Variants in DLGAP1 observed in about 807,000 individuals in gnomAD.
DLGAP1 encodes disks large-associated protein 1.
Under a neutral mutation model 90.8 loss-of-function variants are expected in DLGAP1, and 11 were observed. The observed-to-expected ratio is 0.12, with a 90% CI of 0.08 to 0.20. The LOEUF (loss-of-function observed/expected upper bound fraction) is 0.20. Ranked by LOEUF, DLGAP1 falls within the 10% of genes least tolerant of loss-of-function variation. The pLI is 1.00. For synonymous variants in DLGAP1, 558 were observed against 540.7 expected, an observed-to-expected ratio of 1.03 and a Z score of -0.44; for missense variants, 1,050 against 1,333.8, an observed-to-expected ratio of 0.79 and a Z score of 3.31.
At position 3,816,408 on chromosome 18, in the gene DLGAP1, G is replaced by A. The variant is rs377740511; in HGVS notation, c.958-2135C>T. Among the ~76,000 whole-genome samples the A allele has an allele frequency of 1.5e-4, 23 of 152,240 alleles. No individual in the cohort carries two copies. In the East Asian group the frequency reaches 2.5e-3, roughly 17 times the overall value. On this transcript the variant is annotated intron_variant, in intron 4 of 12. Coordinates refer to ENST00000315677, the MANE Select transcript of DLGAP1 (RefSeq NM_004746.4). ...TGAGAATAGATGTTCTACTAAAAGA[G>A]CATAATTCTTTCCTTTTTAATTGTT...
intron 1 of DLGAP1, among the ~76,000 whole-genome samples, chr18:4,315,998 A>G (rs1343037261): frequency 6.6e-6 from 1 of 152,232 alleles, no homozygotes; most frequent in African/African-American, 2.4e-5. Flanking sequence ...TCTTGCTATA[A>G]ACACAAAGAA....
Position 4,081,965 on chromosome 18 carries a change from T to C in DLGAP1, c.-159+69215A>G, listed in dbSNP as rs1015478998. Among the ~76,000 whole-genome samples the C allele has an allele frequency of 5.3e-5, 8 of 151,942 alleles. No individual in the cohort carries two copies. The East Asian group carries it at 1.4e-3, about 26-fold the overall frequency. On this transcript the variant is annotated intron_variant, in intron 2 of 12. Coordinates refer to ENST00000315677, the MANE Select transcript of DLGAP1 (RefSeq NM_004746.4). ...GCTCACACCTGTAATCCCAGCACTA[T>C]GGGAGGCTGAGGTGGGCGGATCACC...
chr18:4,206,740 C>A (rs1244608193), intron 1 of DLGAP1, among the ~76,000 whole-genome samples: 3 of 152,164 alleles, frequency 2.0e-5, no homozygotes, highest in African/African-American at 7.2e-5. Flanking sequence ...TAGAGGTACC[C>A]TCCACTTCTA....
In DLGAP1 at chr18:3,879,948, G is replaced by C; in HGVS notation, c.121C>G (p.Pro41Ala). The C allele has an allele frequency of 6.2e-7, 1 of 1,612,406 alleles. No individual in the cohort carries two copies. The highest frequency in any genetic ancestry group is 1.1e-5 in the South Asian group (1 of 91,046). ...PYLLSPVEHH[P>A]ADHPYYTQRN... ...TGGGTGTAGTATGGGTGGTCTGCGG[G>C]GTGGTGCTCCACTGGGCTCAGCAGG... Residue 41 changes from proline (P) to alanine (A), a missense_variant, in exon 4 of 13, where the codon CCC becomes GCC. By Grantham distance (27) the Pro-to-Ala change is conservative. Coordinates refer to ENST00000315677, the MANE Select transcript of DLGAP1 (RefSeq NM_004746.4). This position sits in a 1 kb window ranked among gnomAD's most constrained non-coding sequence, Gnocchi z 6.6.
chr18:3,933,108 T>C (rs913204889), intron 3 of DLGAP1, among the ~76,000 whole-genome samples: 1 of 152,232 alleles, frequency 6.6e-6, no homozygotes, highest in African/African-American at 2.4e-5. Context: ...GGTGATGCAT[T>C]GCACTTGGGA....
chr18:4,008,497 A>T (rs1475737806), intron 2 of DLGAP1, among the ~76,000 whole-genome samples: 1 of 152,214 alleles, frequency 6.6e-6, no homozygotes, highest in Non-Finnish European at 1.5e-5. Context: ...GTATCAGGCT[A>T]CAATTTTTTT....
intron 7 of DLGAP1, among the ~76,000 whole-genome samples, chr18:3,620,956 C>G (rs1460599687): frequency 6.6e-6 from 1 of 152,176 alleles, no homozygotes; most frequent in Non-Finnish European, 1.5e-5. Context: ...GTTGGTCTCC[C>G]ACCAGTAGTG....
intron 5 of DLGAP1, among the ~76,000 whole-genome samples, chr18:3,749,294 G>T (rs1395252697): frequency 1.3e-5 from 2 of 151,708 alleles, no homozygotes; most frequent in African/African-American, 4.8e-5. Context: ...GATTACAGGC[G>T]GATGCCACCA....
chr18:4,138,530 T>TTTGA (rs1207180806), intron 2 of DLGAP1, among the ~76,000 whole-genome samples: 2 of 152,066 alleles, frequency 1.3e-5, no homozygotes, highest in African/African-American at 4.8e-5. Context: ...TTTTTGAGTT[T>TTTGA]GGATTGCTAG....
chr18:3,920,513 C>T (rs1568300306), intron 3 of DLGAP1, among the ~76,000 whole-genome samples: 1 of 152,152 alleles, frequency 6.6e-6, no homozygotes, highest in Admixed American at 6.5e-5. Flanking sequence ...TTATGCCCCA[C>T]TTTTTTTCCA....
chr18:4,010,551 C>G (rs925211701), intron 2 of DLGAP1, among the ~76,000 whole-genome samples: 2 of 151,946 alleles, frequency 1.3e-5, no homozygotes, highest in African/African-American at 4.8e-5. Context: ...GTCTAAAAAT[C>G]AATAAACAAA....
At chr18:3,784,933 T>C (rs2065376657) in intron 5 of DLGAP1, among the ~76,000 whole-genome samples, 1 of 152,142 alleles carries the variant, frequency 6.6e-6, no homozygotes, top group Non-Finnish European at 1.5e-5. Flanking sequence ...CCCTGTATCA[T>C]ACAACCACGC....
At chr18:4,011,760 C>G (rs1421456354) in intron 2 of DLGAP1, among the ~76,000 whole-genome samples, 1 of 151,974 alleles carries the variant, frequency 6.6e-6, no homozygotes, top group Non-Finnish European at 1.5e-5. Context: ...GGAGGTCAAG[C>G]CTGCAGTGAG....
At chr18:3,993,170 C>G (rs185834091) in intron 3 of DLGAP1, 2 of 151,824 alleles carry the variant, frequency 1.3e-5, no homozygotes, top group Admixed American at 1.3e-4. Context: ...GCAGGAACCC[C>G]CCTCTTGCAC....
intron 2 of DLGAP1, among the ~76,000 whole-genome samples, chr18:4,038,828 T>C (rs994357127): frequency 2.0e-5 from 3 of 152,184 alleles, no homozygotes; most frequent in African/African-American, 7.2e-5. Context: ...AGAGTGGCTG[T>C]ATGCGTTTCC....
chr18:4,362,358 TAAAC>T (rs1567861968), intron 1 of DLGAP1, among the ~76,000 whole-genome samples: 3 of 152,098 alleles, frequency 2.0e-5, no homozygotes, highest in Non-Finnish European at 2.9e-5. Flanking sequence ...GAGGAATGGA[TAAAC>T]AAACTGTGGG....
intron 5 of DLGAP1, among the ~76,000 whole-genome samples, chr18:3,750,518 A>G (rs1185230679): frequency 6.6e-6 from 1 of 152,166 alleles, no homozygotes; most frequent in Non-Finnish European, 1.5e-5. Context: ...TGGTAGTTCC[A>G]TATTCAGTTC....
At chr18:3,731,330 T>C (rs917010897) in intron 6 of DLGAP1, among the ~76,000 whole-genome samples, 4 of 152,168 alleles carry the variant, frequency 2.6e-5, no homozygotes, top group African/African-American at 9.7e-5. Flanking sequence ...AGTATATATG[T>C]CCCCTCTTCT....
intron 3 of DLGAP1, among the ~76,000 whole-genome samples, chr18:3,935,153 T>C (rs750303157): frequency 4.8e-5 from 7 of 147,254 alleles, no homozygotes; most frequent in Non-Finnish European, 9.1e-5. Context: ...CACACTTCCA[T>C]AGATACTAGC....
Sources: gnomAD v4.1 joint callset for allele counts (sites outside exome capture counted in the v4.1 genomes callset) on GRCh38, gnomAD v4.1.1 for gene constraint, Gnocchi (gnomAD v3.1) non-coding constraint, MANE v1.5 for transcripts, NCBI Gene and HGNC (gene_info 2026-07-23, HGNC 2026-07-21) for gene names.